Variants in PROX1 observed in about 807,000 individuals in gnomAD.
The protein encoded by PROX1 is prospero homeobox 1.
A neutral mutation model predicts 58.8 loss-of-function variants in PROX1; 7 were observed. That is an observed-to-expected ratio of 0.12 (90% CI 0.07 to 0.22). PROX1 has a LOEUF of 0.22. PROX1 is among the 10% of genes least tolerant of loss of function. PROX1 has a pLI of 1.00. For missense variants in PROX1, 675 were observed against 927.8 expected (o/e 0.73, Z 3.54); for synonymous variants, 350 against 358.3 (o/e 0.98, Z 0.26).
chr1:214,037,044 G>A lies in PROX1; in HGVS notation c.*1210G>A, dbSNP rs568386761. On this transcript the variant is annotated 3_prime_UTR_variant, in exon 5 of 5. Coordinates refer to ENST00000366958, the MANE Select transcript of PROX1 (RefSeq NM_001270616.2). ...GTATTGACCAAAATGTGAGAAGAGTGTATAGCATAGGAAAATTTGGGGTTA... is the reference window on the plus strand; with the variant it reads ...GTATTGACCAAAATGTGAGAAGAGTATATAGCATAGGAAAATTTGGGGTTA... The A allele has an allele frequency of 2.0e-5, 3 of 152,324 alleles. No individual in the cohort carries two copies. Among genetic ancestry groups the A allele is most frequent in the Middle Eastern group, 3.4e-3 (1 of 294 alleles). 9.4% of individuals were successfully genotyped at this position (152,324 alleles called of 1,614,324 possible). A position where few individuals can be genotyped will look rare whatever the true frequency, so the allele number is the denominator to read the frequency against.
chr1:214,016,151 T>C (rs2102741895), intron 4 of PROX1, among the ~76,000 whole-genome samples: 1 of 152,280 alleles, frequency 6.6e-6, no homozygotes, highest in African/African-American at 2.4e-5. Context: ...CCTTTGAATG[T>C]GTTTTCTTAC....
chr1:213,997,299 A>T lies in PROX1; in HGVS notation c.764A>T (p.Glu255Val). The T allele has an allele frequency of 6.2e-7, 1 of 1,614,092 alleles. No individual in the cohort carries two copies. Among genetic ancestry groups the T allele is most frequent in the Non-Finnish European group, 8.5e-7 (1 of 1,180,030 alleles). ...DMQKQLRQLQ[E>V]KFYQIYDSTD... ...CAGAAACAGCTGCGCCAGCTGCAGGAAAAGTTCTACCAAATCTATGACAGC... is the reference window on the plus strand; with the variant it reads ...CAGAAACAGCTGCGCCAGCTGCAGGTAAAGTTCTACCAAATCTATGACAGC... The change falls in exon 2 of 5, where the codon GAA becomes GTA. Residue 255 changes from glutamate to valine, a missense_variant. Transcript: ENST00000366958. This position sits in a 1 kb window ranked among gnomAD's most constrained non-coding sequence, Gnocchi z 7.1.
At chr1:214,025,681 GAGATGGAGTCTCAC>G (rs1664427601) in intron 4 of PROX1, among the ~76,000 whole-genome samples, 1 of 63,818 alleles carries the variant, frequency 1.6e-5, no homozygotes, top group African/African-American at 5.6e-5. Flanking sequence ...TTTTTTTTTT[GAGATGGAGTCTCAC>G]TCTGTCACCC....
chr1:214,001,683 A>T (rs1000186844), intron 2 of PROX1, among the ~76,000 whole-genome samples: 2 of 152,220 alleles, frequency 1.3e-5, no homozygotes, highest in Non-Finnish European at 2.9e-5. Flanking sequence ...GGAACCATAG[A>T]TTAGAAATGA....
At chr1:214,008,110 G>A (rs903502877) in intron 3 of PROX1, among the ~76,000 whole-genome samples, 3 of 151,862 alleles carry the variant, frequency 2.0e-5, no homozygotes, top group African/African-American at 7.3e-5. Flanking sequence ...GGAGTGCAAT[G>A]GTGCAATCTC....
intron 4 of PROX1, among the ~76,000 whole-genome samples, chr1:214,018,141 G>A (rs976904793): frequency 1.3e-5 from 2 of 152,134 alleles, no homozygotes; most frequent in African/African-American, 4.8e-5. Flanking sequence ...GTTCGAAGTT[G>A]GCCACCCCTT....
chr1:214,005,708 G>A (rs373573033), intron 3 of PROX1, among the ~76,000 whole-genome samples: 4 of 152,198 alleles, frequency 2.6e-5, no homozygotes, highest in Non-Finnish European at 4.4e-5. Context: ...TCGAAAAGGA[G>A]CGTACATTGA....
chr1:214,008,505 G>T (rs1401402975), intron 3 of PROX1, among the ~76,000 whole-genome samples: 1 of 152,162 alleles, frequency 6.6e-6, no homozygotes, highest in Admixed American at 6.5e-5. Context: ...GTCCATCAAA[G>T]CCACACTTGG....
intron 1 of PROX1, among the ~76,000 whole-genome samples, chr1:213,992,500 A>C (rs1030551806): frequency 1.3e-5 from 2 of 152,268 alleles, no homozygotes; most frequent in Admixed American, 6.5e-5. Context: ...ACTAATTTCC[A>C]GATTGATTTG....
intron 3 of PROX1, among the ~76,000 whole-genome samples, chr1:214,007,317 T>C (rs1663751188): frequency 6.6e-6 from 1 of 152,198 alleles, no homozygotes; most frequent in African/African-American, 2.4e-5. Flanking sequence ...GAGAAGGCTG[T>C]TAAAGTATAT....
chr1:214,040,343 C>T lies in PROX1; in HGVS notation c.*4509C>T, dbSNP rs771691885. On this transcript the variant is annotated 3_prime_UTR_variant, in exon 5 of 5. Transcript: ENST00000366958. ...GGACTTTGAGTCTTTTCAACTGAGC[C>T]TTCTCTCAAATCTGACACCCCCTCA... The T allele has an allele frequency of 6.6e-6, 1 of 152,106 alleles. No homozygotes were observed. The highest frequency in any genetic ancestry group is 1.5e-5 in the Non-Finnish European group (1 of 67,998). 9.4% of individuals were successfully genotyped at this position (152,106 alleles called of 1,614,324 possible).
At chr1:214,009,465 GC>G (rs1315752553) in intron 3 of PROX1, among the ~76,000 whole-genome samples, 1 of 152,102 alleles carries the variant, frequency 6.6e-6, no homozygotes, top group Non-Finnish European at 1.5e-5. Flanking sequence ...AAAAGCGGGG[GC>G]TTGCTTTTGC....
rs781676763 is a variant in PROX1 at position 214,035,866 on chromosome 1, G to A, written c.*32G>A. ...CAACAACTCTTTTTGAATGTATGAA[G>A]AGTAGCAGTCCCCTTTGGATGTCCA... On this transcript the variant is annotated 3_prime_UTR_variant, in exon 5 of 5. Coordinates refer to ENST00000366958, the MANE Select transcript of PROX1 (RefSeq NM_001270616.2). 3.8e-6 allele frequency: 6 copies of A among 1,581,092 alleles called. No individual in the cohort carries two copies. The East Asian group carries it at 1.1e-4, about 30-fold the overall frequency.
intron 3 of PROX1, among the ~76,000 whole-genome samples, chr1:214,007,063 C>T (rs766016908): frequency 1.1e-4 from 16 of 152,070 alleles, no homozygotes; most frequent in Non-Finnish European, 2.2e-4. Flanking sequence ...TTCAAGCATG[C>T]GTGCATGTGT....
rs66460564 is a variant in PROX1, at chr1:213,994,750, AATATATATATATATATAT to A, written c.-67-1683_-67-1666del. Among the ~76,000 whole-genome samples the A allele has an allele frequency of 9.0e-3, 793 of 88,290 alleles. 15 individuals carry two copies. Among genetic ancestry groups the A allele is most frequent in the African/African-American group, 0.027 (652 of 24,048 alleles). The allele number at this position is 88,290 out of a possible 152,430, so 57.9% of individuals were successfully genotyped here. ...AAAGTATTTCATTCTCAAGCATGCA[AATATATATATATATATAT>A]ATATATATATATATATATATATATA... On this transcript the variant is annotated intron_variant, in intron 1 of 4. Coordinates refer to ENST00000366958, the MANE Select transcript of PROX1 (RefSeq NM_001270616.2).
rs756438411 is a variant in PROX1 at position 213,998,198 on chromosome 1, A to C, written c.1663A>C (p.Ile555Leu). 3 of 1,611,302 alleles carry C rather than the reference A, an allele frequency of 1.9e-6. No homozygotes were observed. The highest frequency in any genetic ancestry group is 1.7e-5 in the Admixed American group (1 of 59,328). The change falls in exon 2 of 5, where the codon ATA becomes CTA. Residue 555 changes from isoleucine (I) to leucine (L), a missense_variant. Physicochemically the swap from Ile to Leu is conservative, Grantham distance 5 (BLOSUM62 2). Transcript: ENST00000366958. ...CGCCGAAGGGCTCTCCTTGTCGCTC[A>C]TAAAGTCCGAGTGCGGCGATCTTCA... ...STAEGLSLSL[I>L]KSECGDLQDM...
intron 3 of PROX1, among the ~76,000 whole-genome samples, chr1:214,008,208 C>T (rs1013337461): frequency 5.9e-5 from 9 of 152,054 alleles, no homozygotes; most frequent in South Asian, 2.1e-4. Context: ...TGTGCCACCA[C>T]GCCTGGCTAA....
intron 2 of PROX1, 68 bp from the exon 3 acceptor site, chr1:214,005,097 A>T: frequency 8.0e-7 from 1 of 1,245,092 alleles, no homozygotes; most frequent in Non-Finnish European, 1.2e-6. Flanking sequence ...GGAGGTGGGG[A>T]CTGGAGGGAG....
intron 2 of PROX1, among the ~76,000 whole-genome samples, 193 bp downstream of exon 2, chr1:213,998,453 C>G (rs984572568): frequency 5.3e-5 from 8 of 152,104 alleles, no homozygotes; most frequent in African/African-American, 7.2e-5. Context: ...AAAACTAAGC[C>G]AACATCTTTG....
Sources: allele counts gnomAD v4.1 joint callset (sites outside exome capture counted in the v4.1 genomes callset), GRCh38; gene constraint gnomAD v4.1.1; non-coding constraint Gnocchi (gnomAD v3.1); transcripts MANE v1.5; gene names NCBI Gene and HGNC (gene_info 2026-07-23, HGNC 2026-07-21).